DNM3: variants seen among roughly 807,000 people sequenced by gnomAD.
DNM3 encodes dynamin 3.
DNM3 carries 47 observed loss-of-function variants against 101.6 expected under a neutral mutation model. The ratio of observed to expected loss-of-function variants is 0.46; its 90% CI spans 0.37 to 0.59. The LOEUF is 0.59. Among genes scored for constraint, DNM3 ranks in the 20% least tolerant of loss-of-function variants. The probability of loss-of-function intolerance (pLI) is 0.00; values close to 1 mark genes in which losing one functional copy is unlikely to be tolerated. For synonymous variants in DNM3, 385 were observed against 387.9 expected (o/e 0.99, Z 0.09); for missense variants, 849 against 1,085.7 (o/e 0.78, Z 3.06).
intron 20 of DNM3, among the ~76,000 whole-genome samples, chr1:172,397,661 G>T (rs1490799052): frequency 6.6e-6 from 1 of 152,092 alleles, no homozygotes; most frequent in Non-Finnish European, 1.5e-5. Context: ...TCATTTTAAA[G>T]CACAATATCT....
chr1:172,050,375 A>G (rs1367164534), intron 10 of DNM3, among the ~76,000 whole-genome samples: 1 of 152,086 alleles, frequency 6.6e-6, no homozygotes, highest in Non-Finnish European at 1.5e-5. Context: ...TACTCCCACC[A>G]ATTATCCTGT....
intron 14 of DNM3, among the ~76,000 whole-genome samples, chr1:172,181,410 A>T (rs1381783250): frequency 1.4e-5 from 2 of 140,694 alleles, no homozygotes; most frequent in Non-Finnish European, 3.0e-5. Context: ...ACACACACAC[A>T]CACATATTTC....
At position 172,354,242 on chromosome 1, in the gene DNM3, G is replaced by A. The variant is rs1387503860; in HGVS notation, c.1894-24776G>A. The stretch of plus-strand genomic sequence containing the variant: ...TCTTGAGTTCTTGTCTCTTGACCAG[G>A]AAGAGTTAGTCACGCAGACACTCTG... On this transcript the variant is annotated intron_variant, in intron 17 of 20. Transcript: ENST00000627582. 3.9e-5 allele frequency among the ~76,000 whole-genome samples: 6 copies of A among 152,062 alleles called. No homozygotes were observed. In the South Asian group the frequency reaches 1.2e-3, roughly 31 times the overall value.
chr1:172,383,019 GT>G (rs2068999793), intron 18 of DNM3, among the ~76,000 whole-genome samples: 1 of 152,050 alleles, frequency 6.6e-6, no homozygotes, highest in East Asian at 1.9e-4. Flanking sequence ...TATTTTAAAT[GT>G]TCATTATTTT....
At chr1:172,354,311 T>C (rs1296993505) in intron 17 of DNM3, among the ~76,000 whole-genome samples, 2 of 151,940 alleles carry the variant, frequency 1.3e-5, no homozygotes, top group African/African-American at 4.8e-5. Flanking sequence ...AAGGAAAAAA[T>C]TCTCAGCAAA....
At chr1:172,081,762 C>A (rs2053166466) in intron 11 of DNM3, 70 bp from the exon 12 acceptor site, 5 of 1,224,332 alleles carry the variant, frequency 4.1e-6, no homozygotes, top group African/African-American at 1.5e-5. Context: ...AATTTGTGGG[C>A]AATTACTGAA....
intron 17 of DNM3, among the ~76,000 whole-genome samples, chr1:172,359,627 T>TAAA (rs11463354): frequency 7.0e-6 from 1 of 142,130 alleles, no homozygotes; most frequent in Non-Finnish European, 1.6e-5. Flanking sequence ...TTCAGAAAAA[T>TAAA]AAAAAAAAAA....
intron 1 of DNM3, among the ~76,000 whole-genome samples, chr1:171,891,116 A>G (rs1330652170): frequency 6.6e-6 from 1 of 152,202 alleles, no homozygotes; most frequent in Non-Finnish European, 1.5e-5. Flanking sequence ...TACCTGAGAG[A>G]GGAAGAGCAT....
chr1:172,021,679 G>C (rs994072042), intron 4 of DNM3, among the ~76,000 whole-genome samples: 6 of 152,136 alleles, frequency 3.9e-5, no homozygotes, highest in African/African-American at 1.4e-4. Context: ...CTGAGTCAGT[G>C]CACTTATCTC....
rs1426727899 is a variant in DNM3 at position 172,362,180 on chromosome 1, A to G, written c.1894-16838A>G. Among the ~76,000 whole-genome samples, 4 of 152,140 alleles carry G rather than the reference A, an allele frequency of 2.6e-5. No homozygotes were observed. In the East Asian group the frequency reaches 7.8e-4, roughly 30 times the overall value. ...CACTTTCACTTATTAAATATGATTG[A>G]GTACCAACTGTGTGTAATACATTAA... On this transcript the variant is annotated intron_variant, in intron 17 of 20. Transcript: ENST00000627582.
At chr1:172,072,675 G>T (rs1028022434) in intron 11 of DNM3, among the ~76,000 whole-genome samples, 1 of 152,200 alleles carries the variant, frequency 6.6e-6, no homozygotes, top group Admixed American at 6.5e-5. Context: ...ATCACCTGAG[G>T]TCAGGAGTTC....
chr1:172,032,959 T>C, intron 5 of DNM3, 146 bp from the exon 6 acceptor site: 1 of 962,812 alleles, frequency 1.0e-6, no homozygotes, highest in Non-Finnish European at 1.5e-6. Flanking sequence ...TACTGATGTT[T>C]CCCATTGAGT....
At chr1:172,276,233 G>A (rs1324421098) in intron 15 of DNM3, among the ~76,000 whole-genome samples, 1 of 151,778 alleles carries the variant, frequency 6.6e-6, no homozygotes, top group Non-Finnish European at 1.5e-5. Flanking sequence ...CAATAAACTG[G>A]GACTGTCTGG....
At chr1:172,241,373 G>A (rs2061743629) in intron 14 of DNM3, among the ~76,000 whole-genome samples, 1 of 151,768 alleles carries the variant, frequency 6.6e-6, no homozygotes, top group Admixed American at 6.6e-5. Flanking sequence ...ATTTGTGTAA[G>A]TTTTGACTCT....
At chr1:172,178,135 A>G (rs1159329543) in intron 14 of DNM3, among the ~76,000 whole-genome samples, 1 of 151,882 alleles carries the variant, frequency 6.6e-6, no homozygotes, top group African/African-American at 2.4e-5. Flanking sequence ...GTATTAGTGT[A>G]TCTAAACATA....
intron 14 of DNM3, among the ~76,000 whole-genome samples, chr1:172,232,061 G>C (rs2061357920): frequency 6.6e-6 from 1 of 152,090 alleles, no homozygotes; most frequent in African/African-American, 2.4e-5. Context: ...AATGTAAATG[G>C]GCTAAATGCT....
At chr1:172,119,891 T>C (rs1339050394) in intron 13 of DNM3, among the ~76,000 whole-genome samples, 1 of 152,204 alleles carries the variant, frequency 6.6e-6, no homozygotes, top group East Asian at 1.9e-4. Context: ...ATCATTGTCA[T>C]ACTAACTTCT....
intron 13 of DNM3, among the ~76,000 whole-genome samples, chr1:172,121,654 C>A (rs750605599): frequency 7.2e-5 from 11 of 152,138 alleles, no homozygotes; most frequent in Non-Finnish European, 1.2e-4. Context: ...TGATGAAGTT[C>A]TTCTGCGAAA....
intron 15 of DNM3, among the ~76,000 whole-genome samples, chr1:172,266,921 C>T (rs10489288): frequency 0.043 from 6,597 of 152,068 alleles, 435 homozygotes; most frequent in African/African-American, 0.14. Context: ...ATGCTTTATC[C>T]TTAGTCAGAA....
Sources: gnomAD v4.1 joint callset for allele counts (sites outside exome capture counted in the v4.1 genomes callset) on GRCh38, gnomAD v4.1.1 for gene constraint, MANE v1.5 for transcripts, NCBI Gene and HGNC (gene_info 2026-07-23, HGNC 2026-07-21) for gene names.